The following GRIK2 variants were observed in gnomAD, a reference collection of about 807,000 sequenced individuals.
The protein encoded by GRIK2 is glutamate receptor ionotropic, kainate 2.
GRIK2 carries 32 observed loss-of-function variants against 100.3 expected under a neutral mutation model. The observed-to-expected ratio is 0.32, with a 90% CI of 0.24 to 0.43. GRIK2 has a LOEUF of 0.43. Ranked by LOEUF, GRIK2 falls within the 20% of genes least tolerant of loss-of-function variation. The probability of loss-of-function intolerance (pLI) is 1.00; values close to 1 mark genes in which losing one functional copy is unlikely to be tolerated. For missense variants in GRIK2, 843 were observed against 1,114.9 expected, an observed-to-expected ratio of 0.76 and a Z score of 3.47; for synonymous variants, 417 against 389.4, an observed-to-expected ratio of 1.07 and a Z score of -0.83.
intron 14 of GRIK2, among the ~76,000 whole-genome samples, chr6:101,969,715 A>G (rs897980274): frequency 1.3e-5 from 2 of 152,106 alleles, no homozygotes; most frequent in Non-Finnish European, 2.9e-5. Flanking sequence ...TGTAGATGAA[A>G]TGTCAATGAC....
intron 11 of GRIK2, among the ~76,000 whole-genome samples, chr6:101,873,656 T>C (rs1357321576): frequency 4.6e-5 from 7 of 151,770 alleles, no homozygotes; most frequent in African/African-American, 1.5e-4. Flanking sequence ...TTCTAGATCC[T>C]TGAGGAATTG....
chr6:101,761,458 G>A (rs376774516), intron 7 of GRIK2, among the ~76,000 whole-genome samples: 22 of 152,100 alleles, frequency 1.4e-4, no homozygotes, highest in African/African-American at 4.6e-4. Flanking sequence ...TTTTGCAATT[G>A]TGGCCCCACC....
chr6:101,700,587 T>C (rs972816277), intron 7 of GRIK2, among the ~76,000 whole-genome samples: 19 of 152,146 alleles, frequency 1.2e-4, no homozygotes, highest in African/African-American at 4.1e-4. Flanking sequence ...ACAAAAATGC[T>C]GTAGGATGAG....
chr6:101,876,926 A>G lies in GRIK2; in HGVS notation c.1525-12714A>G, dbSNP rs146619405. The stretch of plus-strand genomic sequence containing the variant: ...AATGGACTCATTCCCCTACATCTCT[A>G]TACATAAGCTTCTTATGTTATGGTT... On this transcript the variant is annotated intron_variant, in intron 11 of 16. Coordinates refer to ENST00000369134, the MANE Select transcript of GRIK2 (RefSeq NM_021956.5). Among the ~76,000 whole-genome samples, 121 of 152,024 alleles carry G rather than the reference A, an allele frequency of 8.0e-4. No individual in the cohort carries two copies. The South Asian group carries it at 9.1e-3, about 11-fold the overall frequency.
chr6:101,700,577 A>G (rs1282505859), intron 7 of GRIK2, among the ~76,000 whole-genome samples: 1 of 152,140 alleles, frequency 6.6e-6, no homozygotes, highest in Non-Finnish European at 1.5e-5. Flanking sequence ...TCTAAGTCTC[A>G]CAAAAATGCT....
chr6:101,618,396 A>C (rs1779997000), intron 2 of GRIK2, among the ~76,000 whole-genome samples: 1 of 151,650 alleles, frequency 6.6e-6, no homozygotes, highest in South Asian at 2.1e-4. Flanking sequence ...TTCAAAATGC[A>C]TTCTTGAATT....
chr6:101,886,592 T>C (rs1229719811), intron 11 of GRIK2, among the ~76,000 whole-genome samples: 1 of 151,934 alleles, frequency 6.6e-6, no homozygotes, highest in African/African-American at 2.4e-5. Flanking sequence ...ATATGTGTTA[T>C]TTGAATTTTT....
intron 2 of GRIK2, among the ~76,000 whole-genome samples, chr6:101,557,533 A>AG (rs1363910990): frequency 6.6e-6 from 1 of 152,186 alleles, no homozygotes; most frequent in African/African-American, 2.4e-5. Flanking sequence ...AGTTTAATAA[A>AG]GTGGGGTTTT....
chr6:101,627,157 A>C (rs1481936034), intron 4 of GRIK2, among the ~76,000 whole-genome samples: 1 of 149,456 alleles, frequency 6.7e-6, no homozygotes, highest in Non-Finnish European at 1.5e-5. Context: ...GTGTACATAG[A>C]CAGATAGATA....
chr6:101,707,592 G>GTATATATATATATATATATATA (rs1451926404), intron 7 of GRIK2, among the ~76,000 whole-genome samples: 2 of 128,214 alleles, frequency 1.6e-5, no homozygotes, highest in Non-Finnish European at 3.1e-5. Flanking sequence ...GTGTGTGTGT[G>GTATATATATATATATATATATA]TGTATATATG....
At chr6:101,867,620 T>C (rs946137902) in intron 11 of GRIK2, among the ~76,000 whole-genome samples, 11 of 151,912 alleles carry the variant, frequency 7.2e-5, no homozygotes, top group African/African-American at 2.7e-4. Flanking sequence ...ACCACAGCAG[T>C]AATAATAGTT....
chr6:101,518,495 A>G lies in GRIK2; in HGVS notation c.116-103454A>G, dbSNP rs904644116. Among the ~76,000 whole-genome samples the G allele has an allele frequency of 7.9e-5, 12 of 152,060 alleles. 1 individual carries two copies. The highest frequency in any genetic ancestry group is 3.9e-4 in the Admixed American group (6 of 15,208). On this transcript the variant is annotated intron_variant, in intron 2 of 16. Coordinates refer to ENST00000369134, the MANE Select transcript of GRIK2 (RefSeq NM_021956.5). ...GACAAGGTAAGTGGCTTCCCATCAT[A>G]TTGGAGAGGCAATCAATTTTCTATG...
chr6:101,802,082 C>T (rs550822834), intron 8 of GRIK2, among the ~76,000 whole-genome samples: 1 of 151,706 alleles, frequency 6.6e-6, no homozygotes, highest in South Asian at 2.1e-4. Flanking sequence ...TACAATGTCT[C>T]CTAGACAGAA....
At chr6:101,644,680 AT>A (rs1381759792) in intron 4 of GRIK2, among the ~76,000 whole-genome samples, 1 of 151,860 alleles carries the variant, frequency 6.6e-6, no homozygotes, top group Admixed American at 6.6e-5. Context: ...GATATAATGA[AT>A]TTTTGAGTAT....
chr6:102,028,568 T>A (rs1769822897), intron 14 of GRIK2, among the ~76,000 whole-genome samples: 1 of 151,304 alleles, frequency 6.6e-6, no homozygotes, highest in African/African-American at 2.4e-5. Context: ...GAAAATAAGA[T>A]GATTTACGAA....
intron 2 of GRIK2, among the ~76,000 whole-genome samples, chr6:101,504,760 C>CT (rs1216490319): frequency 1.3e-5 from 2 of 151,916 alleles, no homozygotes; most frequent in Non-Finnish European, 2.9e-5. Context: ...AATAAGGTAA[C>CT]TTTTTTTCTC....
chr6:101,553,443 A>T (rs1776603837), intron 2 of GRIK2, among the ~76,000 whole-genome samples: 1 of 152,228 alleles, frequency 6.6e-6, no homozygotes, highest in South Asian at 2.1e-4. Context: ...CTATAACCTA[A>T]CTTAAGAATT....
At chr6:101,506,641 A>G (rs1215925462) in intron 2 of GRIK2, among the ~76,000 whole-genome samples, 1 of 152,150 alleles carries the variant, frequency 6.6e-6, no homozygotes, top group African/African-American at 2.4e-5. Flanking sequence ...GACTAATGAC[A>G]TATACATCAG....
At position 101,545,891 on chromosome 6, in the gene GRIK2, C is replaced by T. The variant is rs573273617; in HGVS notation, c.116-76058C>T. Among the ~76,000 whole-genome samples the T allele has an allele frequency of 4.6e-5, 7 of 152,118 alleles. No homozygotes were observed. The South Asian group carries it at 1.5e-3, about 32-fold the overall frequency. ...GATTTCTTACTTTAACTCCTTTCTC[C>T]TATTTCCAAGAGGTTAGAATTCTTG... On this transcript the variant is annotated intron_variant, in intron 2 of 16. Transcript: ENST00000369134.
Sources: gnomAD v4.1 joint callset for allele counts (sites outside exome capture counted in the v4.1 genomes callset) on GRCh38, gnomAD v4.1.1 for gene constraint, MANE v1.5 for transcripts, NCBI Gene and HGNC (gene_info 2026-07-23, HGNC 2026-07-21) for gene names.